The following TANGO6 variants were observed in gnomAD, a reference collection of about 807,000 sequenced individuals.
TANGO6 encodes transport and golgi organization 6 homolog, also known as transport and Golgi organization protein 6 homolog.
A neutral mutation model predicts 114.2 loss-of-function variants in TANGO6; 90 were observed. That is an observed-to-expected ratio of 0.79 (90% CI 0.66 to 0.94). The LOEUF is 0.94. Among genes scored for constraint, TANGO6 ranks in the 40% least tolerant of loss-of-function variants. The pLI is 0.00. For missense variants in TANGO6, 1,274 were observed against 1,315.3 expected, an observed-to-expected ratio of 0.97 and a Z score of 0.49; for synonymous variants, 477 against 509.8, an observed-to-expected ratio of 0.94 and a Z score of 0.87.
intron 14 of TANGO6, among the ~76,000 whole-genome samples, chr16:68,956,810 G>A (rs1450047792): frequency 6.6e-6 from 1 of 151,862 alleles, no homozygotes. Flanking sequence ...CCGAGATTGC[G>A]CCACTGCACT....
intron 1 of TANGO6, among the ~76,000 whole-genome samples, chr16:68,853,308 T>C (rs1259902743): frequency 2.0e-5 from 3 of 151,204 alleles, no homozygotes; most frequent in African/African-American, 7.3e-5. Context: ...ACTTTTGTCA[T>C]TGAAACCCCT....
At chr16:68,880,776 T>G in intron 7 of TANGO6, 146 bp downstream of exon 7, 1 of 473,772 alleles carries the variant, frequency 2.1e-6, no homozygotes, top group Non-Finnish European at 3.6e-6. Context: ...CCTCCTTCCT[T>G]AGCCTCCCAA....
intron 1 of TANGO6, among the ~76,000 whole-genome samples, chr16:68,850,988 C>T (rs1961894097): frequency 6.6e-6 from 1 of 152,038 alleles, no homozygotes; most frequent in African/African-American, 2.4e-5. Flanking sequence ...ATGTTTCCTC[C>T]TCTGCTCTCT....
chr16:69,008,419 C>T (rs1351507510), intron 15 of TANGO6, among the ~76,000 whole-genome samples: 1 of 152,118 alleles, frequency 6.6e-6, no homozygotes, highest in Admixed American at 6.6e-5. Flanking sequence ...TTTTGTACAG[C>T]CGAGATCTTG....
chr16:69,033,676 C>T (rs946353989), intron 16 of TANGO6: 1 of 152,214 alleles, frequency 6.6e-6, no homozygotes, highest in African/African-American at 2.4e-5. Flanking sequence ...GCCAATGTGG[C>T]GGGAGGTCCT....
Position 68,927,658 on chromosome 16 carries a change from CTCGCTGTTGATCTCCGCA to C in TANGO6, c.2221_2238del (p.Ala741_Ile746del), listed in dbSNP as rs1880283841. 6.2e-7 allele frequency: 1 copy of C among 1,614,004 alleles called. No individual in the cohort carries two copies. The highest frequency in any genetic ancestry group is 1.7e-5 in the Admixed American group (1 of 60,010). ...ATACCCTGATCCGGTCATCCAAGAA[CTCGCTGTTGATCTCCGCA>C]TCACCATCTCTACCCATGGAGCCTT... On this transcript the variant is annotated inframe_deletion, in exon 13 of 18. Transcript: ENST00000261778.
chr16:68,865,198 C>T (rs1962157139), intron 3 of TANGO6, among the ~76,000 whole-genome samples: 2 of 151,616 alleles, frequency 1.3e-5, no homozygotes, highest in South Asian at 4.2e-4. Flanking sequence ...ATTGCTTGAA[C>T]CTGGGAGGCG....
intron 14 of TANGO6, among the ~76,000 whole-genome samples, chr16:68,950,919 GT>G: frequency 6.6e-6 from 1 of 152,148 alleles, no homozygotes; most frequent in Non-Finnish European, 1.5e-5. Context: ...CAGTACTGTT[GT>G]TTTTTGTGGA....
At chr16:68,948,792 C>T (rs1056740543) in intron 14 of TANGO6, among the ~76,000 whole-genome samples, 2 of 152,176 alleles carry the variant, frequency 1.3e-5, no homozygotes, top group African/African-American at 4.8e-5. Flanking sequence ...TACGTATTAC[C>T]TCACACACTG....
At chr16:68,894,638 G>A (rs911937541) in intron 7 of TANGO6, among the ~76,000 whole-genome samples, 1 of 152,050 alleles carries the variant, frequency 6.6e-6, no homozygotes, top group Non-Finnish European at 1.5e-5. Flanking sequence ...GCTAGGAACT[G>A]AAGCAATGAA....
intron 7 of TANGO6, among the ~76,000 whole-genome samples, chr16:68,888,743 T>G (rs1962572004): frequency 6.6e-6 from 1 of 152,246 alleles, no homozygotes; most frequent in Admixed American, 6.5e-5. Context: ...TAAATTAGAA[T>G]AATAGAATCT....
intron 15 of TANGO6, among the ~76,000 whole-genome samples, chr16:68,981,329 GC>G (rs1318818784): frequency 1.4e-5 from 2 of 145,028 alleles, no homozygotes; most frequent in African/African-American, 5.2e-5. Flanking sequence ...TCCTGCCTCA[GC>G]CCCCTGAGTA....
At chr16:69,015,468 A>G (rs562800248) in intron 15 of TANGO6, among the ~76,000 whole-genome samples, 1 of 148,116 alleles carries the variant, frequency 6.8e-6, no homozygotes, top group South Asian at 2.1e-4. Flanking sequence ...ATTTTATTTT[A>G]TTTATTTATT....
intron 14 of TANGO6, among the ~76,000 whole-genome samples, chr16:68,940,566 T>C (rs1420414375): frequency 1.4e-5 from 2 of 145,288 alleles, no homozygotes; most frequent in Non-Finnish European, 2.9e-5. Context: ...TGAATGTCAC[T>C]GGTTAGGGCA....
intron 17 of TANGO6, among the ~76,000 whole-genome samples, chr16:69,066,007 C>G (rs1328307204): frequency 6.6e-6 from 1 of 152,166 alleles, no homozygotes; most frequent in Non-Finnish European, 1.5e-5. Context: ...GAGTCTGGCC[C>G]CTTTCTGCTT....
intron 5 of TANGO6, among the ~76,000 whole-genome samples, chr16:68,877,403 G>A (rs1032068582): frequency 2.0e-5 from 3 of 150,596 alleles, no homozygotes; most frequent in Non-Finnish European, 4.4e-5. Context: ...GGGAGGCGGA[G>A]GTTGCAGTGA....
At chr16:68,923,163 G>C (rs917365221) in intron 12 of TANGO6, among the ~76,000 whole-genome samples, 4 of 150,044 alleles carry the variant, frequency 2.7e-5, no homozygotes, top group African/African-American at 9.8e-5. Context: ...TCTCCATGTC[G>C]GTCAGGCTAG....
At position 68,866,057 on chromosome 16, in the gene TANGO6, C is replaced by T. The variant is rs1467352496; in HGVS notation, c.853-1022C>T. 2.0e-5 allele frequency among the ~76,000 whole-genome samples: 3 copies of T among 152,286 alleles called. No individual in the cohort carries two copies. The East Asian group carries it at 5.8e-4, about 29-fold the overall frequency. On this transcript the variant is annotated intron_variant, in intron 3 of 17. Coordinates refer to ENST00000261778, the MANE Select transcript of TANGO6 (RefSeq NM_024562.2). ...AGTGGCAAATAACGTTCATAAGAAT[C>T]TTCCTTGGAAGCTGGATTTGTTTGT...
chr16:68,858,603 C>G (rs548815569), intron 1 of TANGO6, among the ~76,000 whole-genome samples: 3 of 152,230 alleles, frequency 2.0e-5, no homozygotes, highest in African/African-American at 7.2e-5. Flanking sequence ...ACCTCAGCCC[C>G]CTGAGTAGCT....
Sources: gnomAD v4.1 joint callset for allele counts (sites outside exome capture counted in the v4.1 genomes callset) on GRCh38, gnomAD v4.1.1 for gene constraint, MANE v1.5 for transcripts, NCBI Gene and HGNC (gene_info 2026-07-23, HGNC 2026-07-21) for gene names.